SASH1: variants seen among roughly 807,000 people sequenced by gnomAD.
The protein encoded by SASH1 is SAM and SH3 domain-containing protein 1.
A neutral mutation model predicts 125.2 loss-of-function variants in SASH1; 44 were observed. The ratio of observed to expected loss-of-function variants is 0.35; its 90% CI spans 0.28 to 0.45. The LOEUF (loss-of-function observed/expected upper bound fraction) is 0.45, where lower values mean the gene tolerates loss of function less well. Ranked by LOEUF, SASH1 falls within the 20% of genes least tolerant of loss-of-function variation. The probability of loss-of-function intolerance (pLI) is 1.00; values close to 1 mark genes in which losing one functional copy is unlikely to be tolerated. For missense variants in SASH1, 1,426 were observed against 1,614.5 expected, an observed-to-expected ratio of 0.88 and a Z score of 2.00; for synonymous variants, 639 against 649.1, an observed-to-expected ratio of 0.98 and a Z score of 0.24.
At chr6:148,342,246 G>A (rs1258010462), upstream of SASH1, among the ~76,000 whole-genome samples, 1 of 152,206 alleles carries the variant, frequency 6.6e-6, no homozygotes, top group African/African-American at 2.4e-5. Context: ...TTGTTTTGCA[G>A]AGAAGTCTTG....
intron 1 of SASH1, among the ~76,000 whole-genome samples, chr6:148,309,914 G>T (rs1427020794): frequency 6.6e-6 from 1 of 152,124 alleles, no homozygotes; most frequent in Non-Finnish European, 1.5e-5. Flanking sequence ...ATTCAGTGAG[G>T]ACATATGATG....
At chr6:148,525,124 C>T (rs919469066) in intron 10 of SASH1, 167 bp from the exon 11 acceptor site, 36 of 613,358 alleles carry the variant, frequency 5.9e-5, no homozygotes, top group African/African-American at 5.0e-4. Context: ...AGTTTCCTTA[C>T]GACATGACTC....
intron 1 of SASH1, among the ~76,000 whole-genome samples, chr6:148,286,367 C>A (rs1187135287): frequency 2.0e-5 from 3 of 151,492 alleles, no homozygotes; most frequent in Non-Finnish European, 4.4e-5. Context: ...TGCCACCGCA[C>A]TCCGGCCTGG....
chr6:148,266,703 T>C, the SASH1 span, among the ~76,000 whole-genome samples: 94,933 of 151,782 alleles, frequency 0.63, 30,094 homozygotes, highest in African/African-American at 0.69. Context: ...TGGGCTCAAG[T>C]GATCCTCCCA....
intron 9 of SASH1, among the ~76,000 whole-genome samples, chr6:148,516,283 T>C (rs1192714881): frequency 2.4e-5 from 3 of 126,646 alleles, no homozygotes; most frequent in Non-Finnish European, 5.0e-5. Flanking sequence ...ATCTCACCCA[T>C]CTTCTCAGGA....
chr6:148,311,999 G>T (rs1372374970), intron 1 of SASH1, among the ~76,000 whole-genome samples: 1 of 152,164 alleles, frequency 6.6e-6, no homozygotes, highest in East Asian at 1.9e-4. Context: ...TCACCTGGAT[G>T]CATCTCAAAT....
At chr6:148,244,819 G>T in the SASH1 span, among the ~76,000 whole-genome samples, 2 of 152,050 alleles carry the variant, frequency 1.3e-5, no homozygotes, top group Non-Finnish European at 2.9e-5. Flanking sequence ...GTGGATTCTT[G>T]CTTTGCCTGG....
the SASH1 span, among the ~76,000 whole-genome samples, chr6:148,213,664 C>T: frequency 1.6e-4 from 24 of 152,094 alleles, no homozygotes; most frequent in Admixed American, 7.9e-4. Context: ...AAACAACCAA[C>T]TGGTCAGTCC....
At chr6:148,433,932 ATATAT>A (rs754945877) in intron 2 of SASH1, among the ~76,000 whole-genome samples, 8 of 151,934 alleles carry the variant, frequency 5.3e-5, no homozygotes, top group Admixed American at 1.3e-4. Context: ...TGTTTTAAAA[ATATAT>A]TAAAGTAATT....
chr6:148,457,684 A>G (rs1013718128), intron 4 of SASH1, among the ~76,000 whole-genome samples: 3 of 152,200 alleles, frequency 2.0e-5, no homozygotes, highest in African/African-American at 7.2e-5. Flanking sequence ...CTGTGTATTC[A>G]TCCATCCTCA....
At chr6:148,451,940 T>A (rs1777119119) in intron 4 of SASH1, among the ~76,000 whole-genome samples, 1 of 152,070 alleles carries the variant, frequency 6.6e-6, no homozygotes, top group Non-Finnish European at 1.5e-5. Flanking sequence ...CATGTGTGTG[T>A]GCCCTGCGCC....
intron 2 of SASH1, among the ~76,000 whole-genome samples, chr6:148,394,869 C>T (rs975730704): frequency 1.1e-4 from 17 of 152,290 alleles, no homozygotes; most frequent in South Asian, 4.1e-4. Flanking sequence ...GTCTCAAACT[C>T]CTGATCTCAG....
At chr6:148,302,686 AATAT>A (rs1271420010) in intron 1 of SASH1, among the ~76,000 whole-genome samples, 1 of 146,188 alleles carries the variant, frequency 6.8e-6, no homozygotes, top group Admixed American at 6.9e-5. Context: ...CACACGGAGA[AATAT>A]ATATATACAC....
chr6:148,216,672 G>C, the SASH1 span, among the ~76,000 whole-genome samples: 91,594 of 151,868 alleles, frequency 0.6, 28,087 homozygotes, highest in African/African-American at 0.69. Context: ...GGATGAGATG[G>C]CAGTGCTGAA....
the SASH1 span, among the ~76,000 whole-genome samples, chr6:148,203,080 A>C: frequency 2.6e-5 from 4 of 152,240 alleles, no homozygotes; most frequent in African/African-American, 4.8e-5. Context: ...TATGAGAACT[A>C]TATTGACTTG....
rs1400978304 is a variant in SASH1, at chr6:148,519,907, G to A, written c.1209+14G>A. Reference sequence around the variant, plus strand: ...CTAAGCCACGGGGTAAGTACGGATGGTGTTTGCTTCTATGACAACCACCGT... The same window carrying A: ...CTAAGCCACGGGGTAAGTACGGATGATGTTTGCTTCTATGACAACCACCGT... On this transcript the variant is annotated intron_variant, in intron 10 of 19. Coordinates refer to ENST00000367467, the MANE Select transcript of SASH1 (RefSeq NM_015278.5). This position sits in a 1 kb window ranked among gnomAD's most constrained non-coding sequence, Gnocchi z 4.8. 2 of 1,524,212 alleles carry A rather than the reference G, an allele frequency of 1.3e-6. No individual in the cohort carries two copies. Among genetic ancestry groups the A allele is most frequent in the Admixed American group, 2.0e-5 (1 of 49,182 alleles). 94.4% of individuals were successfully genotyped at this position (1,524,212 alleles called of 1,614,324 possible).
chr6:148,267,819 G>T (rs1470425460), upstream of SASH1, among the ~76,000 whole-genome samples: 1 of 152,156 alleles, frequency 6.6e-6, no homozygotes, highest in African/African-American at 2.4e-5. Context: ...GCCTTCGAAG[G>T]GAAGGGGGCG....
At chr6:148,245,784 G>A in the SASH1 span, among the ~76,000 whole-genome samples, 1 of 151,942 alleles carries the variant, frequency 6.6e-6, no homozygotes, top group East Asian at 1.9e-4. Flanking sequence ...TCAGGAGATC[G>A]AGACCATCCT....
the SASH1 span, among the ~76,000 whole-genome samples, chr6:148,248,278 G>A: frequency 6.6e-6 from 1 of 152,188 alleles, no homozygotes; most frequent in African/African-American, 2.4e-5. Context: ...GGGTCCTGAA[G>A]GACTAGGAGA....
Sources: allele counts gnomAD v4.1 joint callset (sites outside exome capture counted in the v4.1 genomes callset), GRCh38; gene constraint gnomAD v4.1.1; non-coding constraint Gnocchi (gnomAD v3.1); transcripts MANE v1.5; gene names NCBI Gene and HGNC (gene_info 2026-07-23, HGNC 2026-07-21).